The following ABTB2 variants were observed in gnomAD, a reference collection of about 807,000 sequenced individuals.
ABTB2 encodes the protein ankyrin repeat and BTB domain containing 2, also known as ankyrin repeat and BTB/POZ domain-containing protein 2.
In ABTB2, 56 loss-of-function variants were observed where a neutral mutation model predicts 104.1. The ratio of observed to expected loss-of-function variants is 0.54; its 90% CI spans 0.43 to 0.67. The LOEUF is 0.67. Among genes scored for constraint, ABTB2 ranks in the 30% least tolerant of loss-of-function variants. The pLI is 0.00. For missense variants in ABTB2, 1,279 were observed against 1,407.7 expected, an observed-to-expected ratio of 0.91 and a Z score of 1.46; for synonymous variants, 606 against 608.2, an observed-to-expected ratio of 1.00 and a Z score of 0.05.
intron 2 of ABTB2, among the ~76,000 whole-genome samples, chr11:34,198,565 T>C (rs1001128185): frequency 6.6e-6 from 1 of 152,152 alleles, no homozygotes; most frequent in African/African-American, 2.4e-5. Context: ...TAACCAGCCA[T>C]GGCTGTGTGG....
chr11:34,171,161 A>G (rs768863554), intron 4 of ABTB2, 90 bp from the exon 5 acceptor site: 5 of 1,409,918 alleles, frequency 3.5e-6, no homozygotes, highest in Non-Finnish European at 3.9e-6. Flanking sequence ...TTACGTGTAG[A>G]GTGAGGATGA....
intron 1 of ABTB2, among the ~76,000 whole-genome samples, chr11:34,343,458 GACAC>G (rs34015970): frequency 1.7e-5 from 2 of 120,812 alleles, no homozygotes; most frequent in Non-Finnish European, 3.9e-5. Flanking sequence ...CAGACAGACA[GACAC>G]ACACACACAT....
intron 1 of ABTB2, among the ~76,000 whole-genome samples, chr11:34,304,930 T>G (rs759188553): frequency 6.6e-6 from 1 of 152,222 alleles, no homozygotes; most frequent in Non-Finnish European, 1.5e-5. Flanking sequence ...CCAGTCTCAG[T>G]TCCCAGGTGC....
intron 3 of ABTB2, among the ~76,000 whole-genome samples, chr11:34,196,050 T>C (rs1853251908): frequency 6.6e-6 from 1 of 152,176 alleles, no homozygotes; most frequent in Non-Finnish European, 1.5e-5. Flanking sequence ...TGGGGCTTCC[T>C]AAACTGAGTG....
At chr11:34,297,685 G>A (rs1362099514) in intron 1 of ABTB2, among the ~76,000 whole-genome samples, 2 of 145,886 alleles carry the variant, frequency 1.4e-5, no homozygotes, top group Non-Finnish European at 3.0e-5. Flanking sequence ...AGAATTGCTT[G>A]AACCTGGGAG....
chr11:34,176,515 G>A lies in ABTB2; in HGVS notation c.1245-3208C>T, dbSNP rs1225946294. Among the ~76,000 whole-genome samples the A allele has an allele frequency of 1.3e-5, 2 of 152,058 alleles. 1 individual carries two copies. Among genetic ancestry groups the A allele is most frequent in the South Asian group, 4.2e-4 (2 of 4,818 alleles). On this transcript the variant is annotated intron_variant, in intron 3 of 16. Transcript: ENST00000435224. Reference sequence around the variant, plus strand: ...ACTGAAGCCAGGCCTGCTGGCACACGCCTGTAGTCCCAGCTACTTGGGAGG... The same window carrying A: ...ACTGAAGCCAGGCCTGCTGGCACACACCTGTAGTCCCAGCTACTTGGGAGG...
Position 34,185,022 on chromosome 11 carries a change from A to G in ABTB2, c.1245-11715T>C, listed in dbSNP as rs549784385. ...GTGGGAGGACCCCGAGGTTTATCCTATCTGCTGAGCTGTGGGCCAGGGTTG... is the reference window on the plus strand; with the variant it reads ...GTGGGAGGACCCCGAGGTTTATCCTGTCTGCTGAGCTGTGGGCCAGGGTTG... On this transcript the variant is annotated intron_variant, in intron 3 of 16. Coordinates refer to ENST00000435224, the MANE Select transcript of ABTB2 (RefSeq NM_145804.3). Among the ~76,000 whole-genome samples, 30 of 152,292 alleles carry G rather than the reference A, an allele frequency of 2.0e-4. No homozygotes were observed. In the South Asian group the frequency reaches 6.0e-3, roughly 31 times the overall value.
rs556571759 is a variant in ABTB2 at position 34,159,287 on chromosome 11, C to A, written c.2697+9G>T. On this transcript the variant is annotated intron_variant, in intron 14 of 16. Transcript: ENST00000435224. ...CTCTGAGAAGAGGGCGGCACCAAGA[C>A]CCACACACCTGAAAAATGTGGTACT... The A allele has an allele frequency of 5.0e-6, 8 of 1,608,430 alleles. No homozygotes were observed. The East Asian group carries it at 1.8e-4, about 36-fold the overall frequency.
intron 2 of ABTB2, among the ~76,000 whole-genome samples, chr11:34,201,031 C>T (rs1005635603): frequency 2.0e-5 from 3 of 152,218 alleles, no homozygotes; most frequent in Admixed American, 2.0e-4. Context: ...TTTTTCTAGA[C>T]ATTTATTTTG....
rs753343427 is a variant in ABTB2, at chr11:34,154,348, C to T, written c.2797G>A (p.Asp933Asn). The T allele has an allele frequency of 6.2e-7, 1 of 1,613,788 alleles. No homozygotes were observed. Among genetic ancestry groups the T allele is most frequent in the Non-Finnish European group, 8.5e-7 (1 of 1,179,958 alleles). Residue 933 changes from aspartate (D) to asparagine (N), a missense_variant, in exon 16 of 17, where the codon GAT (aspartate) becomes AAT (asparagine). Asp to Asn is a conservative substitution (Grantham distance 23, BLOSUM62 1). Transcript: ENST00000435224. The surrounding 1 kb of genome is among the most constrained non-coding windows in gnomAD (Gnocchi z 4.9). ...ATCTCGCAGTGCCTCTGCAGGGCAT[C>T]CAGCTGGAACAGGCTGGCAGCTGAC... ...LLSAASLFQLDALQRHCEILC... is the reference protein window; with the variant it reads ...LLSAASLFQLNALQRHCEILC...
At chr11:34,204,835 G>T in intron 1 of ABTB2, 145 bp from the exon 2 acceptor site, 1 of 946,914 alleles carries the variant, frequency 1.1e-6, no homozygotes, top group Non-Finnish European at 1.5e-6. Context: ...GAGCCTTGAG[G>T]ACTTGAGAAC....
At chr11:34,178,662 C>T (rs1223083984) in intron 3 of ABTB2, among the ~76,000 whole-genome samples, 1 of 152,208 alleles carries the variant, frequency 6.6e-6, no homozygotes, top group Admixed American at 6.5e-5. Context: ...GAGACCGGGT[C>T]GGGGCTGAAA....
intron 14 of ABTB2, among the ~76,000 whole-genome samples, chr11:34,156,622 C>T (rs568655538): frequency 7.9e-5 from 12 of 151,510 alleles, no homozygotes; most frequent in Admixed American, 7.2e-4. Context: ...CTCCTGGGTT[C>T]GAGCGATCCT....
At chr11:34,349,174 CTA>C (rs1443964793) in intron 1 of ABTB2, among the ~76,000 whole-genome samples, 1 of 152,180 alleles carries the variant, frequency 6.6e-6, no homozygotes, top group Non-Finnish European at 1.5e-5. Flanking sequence ...AAAACACCTG[CTA>C]TGATCTGTGG....
chr11:34,165,377 G>A, intron 7 of ABTB2, 21 bp from the exon 8 acceptor site: 3 of 1,572,182 alleles, frequency 1.9e-6, no homozygotes, highest in Non-Finnish European at 2.6e-6. Context: ...CACAGAGGAG[G>A]AGGGCACTGC....
intron 1 of ABTB2, among the ~76,000 whole-genome samples, chr11:34,274,254 T>A (rs1048409904): frequency 2.0e-5 from 3 of 147,910 alleles, no homozygotes; most frequent in African/African-American, 7.5e-5. Context: ...TGCACTCGAG[T>A]CTTAGACTAA....
chr11:34,199,257 A>C lies in ABTB2; in HGVS notation c.1031-1719T>G, dbSNP rs1054721666. Among the ~76,000 whole-genome samples, 10 of 152,126 alleles carry C rather than the reference A, an allele frequency of 6.6e-5. No homozygotes were observed. In the South Asian group the frequency reaches 1.7e-3, roughly 25 times the overall value. On this transcript the variant is annotated intron_variant, in intron 2 of 16. Coordinates refer to ENST00000435224, the MANE Select transcript of ABTB2 (RefSeq NM_145804.3). ...AGGCAGGGACAAATGACACCCCTGGAGTTTGAGATCCCCACCAGGAAAGTC... is the reference window on the plus strand; with the variant it reads ...AGGCAGGGACAAATGACACCCCTGGCGTTTGAGATCCCCACCAGGAAAGTC...
At position 34,167,922 on chromosome 11, in the gene ABTB2, C is replaced by T. The variant is rs748641634; in HGVS notation, c.1634G>A (p.Gly545Glu). ...EAMVQMLIDA[G>E]ANLDIQVPSN... ...CCTCACCTGGATGTCCAAGTTTGCC[C>T]CAGCATCAATCAACATCTGGACCAT... Residue 545 changes from glycine to glutamate, a missense_variant, in exon 6 of 17, where the codon GGG becomes GAG. Transcript: ENST00000435224. The T allele has an allele frequency of 4.3e-6, 7 of 1,614,132 alleles. No individual in the cohort carries two copies. Among genetic ancestry groups the T allele is most frequent in the Admixed American group, 3.3e-5 (2 of 60,010 alleles).
At chr11:34,200,526 AC>A in intron 2 of ABTB2, among the ~76,000 whole-genome samples, 1 of 152,296 alleles carries the variant, frequency 6.6e-6, no homozygotes, top group East Asian at 1.9e-4. Context: ...TCTGACTGTG[AC>A]GTCTAAAAAC....
Sources: allele counts gnomAD v4.1 joint callset (sites outside exome capture counted in the v4.1 genomes callset), GRCh38; gene constraint gnomAD v4.1.1; non-coding constraint Gnocchi (gnomAD v3.1); transcripts MANE v1.5; gene names NCBI Gene and HGNC (gene_info 2026-07-23, HGNC 2026-07-21).